ITGA2: variants seen among roughly 807,000 people sequenced by gnomAD.
ITGA2 encodes integrin subunit alpha 2, also known as integrin alpha-2.
Under a neutral mutation model 146.3 loss-of-function variants are expected in ITGA2, and 101 were observed. The ratio of observed to expected loss-of-function variants is 0.69; its 90% confidence interval spans 0.59 to 0.81. The LOEUF is 0.81. Ranked by LOEUF, ITGA2 falls within the 40% of genes least tolerant of loss-of-function variation. The pLI, the probability that ITGA2 is intolerant of heterozygous loss-of-function variation, is 0.00. For synonymous variants in ITGA2, 477 were observed against 487.1 expected, an observed-to-expected ratio of 0.98 and a Z score of 0.27; for missense variants, 1,281 against 1,402.7, an observed-to-expected ratio of 0.91 and a Z score of 1.39.
intron 16 of ITGA2, among the ~76,000 whole-genome samples, chr5:53,068,121 CAT>C (rs765200106): frequency 6.6e-6 from 1 of 151,898 alleles, no homozygotes; most frequent in Non-Finnish European, 1.5e-5. Flanking sequence ...AAGTGACAAA[CAT>C]ATTAACTTAA....
rs2910962 is a variant in ITGA2, at chr5:53,055,406, C to T, written c.780-132C>T. 0.044 allele frequency: 34,401 copies of T among 778,258 alleles called. 927 individuals carry two copies. The highest frequency in any genetic ancestry group is 0.055 in the Non-Finnish European group (25,737 of 467,696). The allele number at this position is 778,258 out of a possible 1,614,324, so 48.2% of individuals were successfully genotyped here. A position where few individuals can be genotyped will look rare whatever the true frequency, so the allele number is the denominator to read the frequency against. ...CTACAAATGGAACATTAAATATGTC[C>T]TCAGAATTAATATGGAGTTACAATA... On this transcript the variant is annotated intron_variant, in intron 7 of 29. Transcript: ENST00000296585.
intron 9 of ITGA2, 135 bp downstream of exon 9, chr5:53,056,284 G>A (rs1393728583): frequency 4.4e-6 from 3 of 677,042 alleles, no homozygotes; most frequent in African/African-American, 1.8e-5. Flanking sequence ...AAGAGAAATG[G>A]ATGAAAAACA....
intron 1 of ITGA2, among the ~76,000 whole-genome samples, chr5:52,991,091 G>T (rs1740930961): frequency 6.6e-6 from 1 of 152,162 alleles, no homozygotes; most frequent in African/African-American, 2.4e-5. Flanking sequence ...CAGGAACAGA[G>T]ACTTAACCTG....
chr5:53,088,842 A>G (rs1183058084), intron 28 of ITGA2, among the ~76,000 whole-genome samples: 7 of 152,208 alleles, frequency 4.6e-5, no homozygotes, highest in Admixed American at 4.6e-4. Flanking sequence ...TGTAACCTAA[A>G]TAATAACTTC....
chr5:53,085,660 G>A (rs916884139), intron 27 of ITGA2, among the ~76,000 whole-genome samples: 2 of 152,098 alleles, frequency 1.3e-5, no homozygotes, highest in African/African-American at 4.8e-5. Flanking sequence ...CTGAGCCAGT[G>A]GAAAGGAAAT....
intron 16 of ITGA2, among the ~76,000 whole-genome samples, chr5:53,069,769 C>A (rs572028043): frequency 6.6e-6 from 1 of 151,860 alleles, no homozygotes; most frequent in East Asian, 1.9e-4. Flanking sequence ...TCTGTGTCTC[C>A]GTGTTATGAG....
At chr5:53,048,527 A>G in intron 5 of ITGA2, 50 bp downstream of exon 5, 1 of 1,608,134 alleles carries the variant, frequency 6.2e-7, no homozygotes, top group Non-Finnish European at 8.5e-7. Flanking sequence ...CAGTTAAAGG[A>G]GGGGGAAAAG....
intron 1 of ITGA2, among the ~76,000 whole-genome samples, chr5:53,022,389 A>T (rs1307352058): frequency 1.3e-5 from 2 of 152,196 alleles, no homozygotes; most frequent in African/African-American, 4.8e-5. Flanking sequence ...GAACAAAAGT[A>T]GGTTAACTAT....
chr5:53,048,290 G>A, intron 4 of ITGA2, 73 bp from the exon 5 acceptor site: 2 of 1,071,442 alleles, frequency 1.9e-6, no homozygotes, highest in Non-Finnish European at 1.5e-6. Context: ...TGATTTCTGA[G>A]CTCCATAATG....
intron 2 of ITGA2, among the ~76,000 whole-genome samples, chr5:53,040,688 G>A (rs965852201): frequency 6.6e-5 from 10 of 152,182 alleles, no homozygotes; most frequent in African/African-American, 2.4e-4. Flanking sequence ...ATTAAAGTGT[G>A]CTAGAGTGTT....
chr5:53,008,735 C>G (rs770368761), intron 1 of ITGA2, among the ~76,000 whole-genome samples: 1 of 152,036 alleles, frequency 6.6e-6, no homozygotes. Context: ...TCAAGATTTC[C>G]GTGAACTCCC....
chr5:53,088,685 C>CAA (rs5867861), intron 28 of ITGA2, among the ~76,000 whole-genome samples: 10,347 of 105,554 alleles, frequency 0.098, 575 homozygotes, highest in African/African-American at 0.16. Context: ...GACTCTGTCT[C>CAA]AAAAAAAAAA....
At position 53,075,072 on chromosome 5, in the gene ITGA2, T is replaced by TTCA; in HGVS notation, c.2676_2677insTCA (p.Thr892_Ile893insSer). 1 of 1,609,468 alleles carries TTCA rather than the reference T, an allele frequency of 6.2e-7. No individual in the cohort carries two copies. The highest frequency in any genetic ancestry group is 8.5e-7 in the Non-Finnish European group (1 of 1,176,944). On this transcript the variant is annotated inframe_insertion, in exon 22 of 30. Transcript: ENST00000296585. ...AATTTTGTCTTTAGGTGACTTTTAC[T>TTCA]ATTAACTTTGACTTCAATCTTCAAA...
Position 53,068,376 on chromosome 5 carries a change from G to A in ITGA2, c.2083+1119G>A, listed in dbSNP as rs550620937. ...ACACATGATAGTTAAGTCAAAAACC[G>A]TTGCTGCATAAACATTGTGGCTAGT... On this transcript the variant is annotated intron_variant, in intron 16 of 29. Coordinates refer to ENST00000296585, the MANE Select transcript of ITGA2 (RefSeq NM_002203.4). 1.8e-4 allele frequency among the ~76,000 whole-genome samples: 27 copies of A among 151,964 alleles called. No homozygotes were observed. The South Asian group carries it at 3.5e-3, about 20-fold the overall frequency.
intron 2 of ITGA2, among the ~76,000 whole-genome samples, chr5:53,034,745 A>T (rs1237757361): frequency 2.6e-5 from 4 of 152,182 alleles, no homozygotes; most frequent in African/African-American, 9.6e-5. Context: ...GTTGTCTAAG[A>T]CATTTACATC....
Position 53,065,994 on chromosome 5 carries a change from C to A in ITGA2, c.1943+17C>A, listed in dbSNP as rs1745132069. 2 of 1,611,006 alleles carry A rather than the reference C, an allele frequency of 1.2e-6. No individual in the cohort carries two copies. Among genetic ancestry groups the A allele is most frequent in the Non-Finnish European group, 1.7e-6 (2 of 1,177,908 alleles). ...TCAACTCTGGTGAGTCAGGAAGAGC[C>A]AGACACAAACTAACTAAAAATTACC... is the stretch of plus-strand genomic sequence containing the variant. On this transcript the variant is annotated intron_variant, in intron 15 of 29. Coordinates refer to ENST00000296585, the MANE Select transcript of ITGA2 (RefSeq NM_002203.4).
At chr5:53,044,274 CAAAAAAAAAAAAAAAAAAAA>C (rs11421419) in intron 3 of ITGA2, among the ~76,000 whole-genome samples, 5 of 37,782 alleles carry the variant, frequency 1.3e-4, no homozygotes, top group South Asian at 1.5e-3. Flanking sequence ...GACTCTGTCT[CAAAAAAAAAAAAAAAAAAAA>C]AAAAAAAAAA....
At chr5:53,067,009 G>A in intron 15 of ITGA2, 109 bp from the exon 16 acceptor site, 3 of 1,105,094 alleles carry the variant, frequency 2.7e-6, no homozygotes, top group East Asian at 2.5e-5. Context: ...TTGATAGAGA[G>A]TAGAGAGAAA....
At chr5:52,997,974 A>G (rs985426985) in intron 1 of ITGA2, among the ~76,000 whole-genome samples, 1 of 152,216 alleles carries the variant, frequency 6.6e-6, no homozygotes, top group Non-Finnish European at 1.5e-5. Context: ...AATTTAATAA[A>G]TAGCCCTAAT....
Sources: gnomAD v4.1 joint callset for allele counts (sites outside exome capture counted in the v4.1 genomes callset) on GRCh38, gnomAD v4.1.1 for gene constraint, MANE v1.5 for transcripts, NCBI Gene and HGNC (gene_info 2026-07-23, HGNC 2026-07-21) for gene names.